Variants in NOP2 observed in about 807,000 individuals in gnomAD.
NOP2 encodes 28S rRNA (cytosine(4447)-C(5))-methyltransferase.
Under a neutral mutation model 72.7 loss-of-function variants are expected in NOP2, and 7 were observed. The observed-to-expected ratio is 0.10, with a 90% CI of 0.05 to 0.18. NOP2 has a LOEUF of 0.18. Ranked by LOEUF, NOP2 falls within the 10% of genes least tolerant of loss-of-function variation. The pLI, the probability that NOP2 is intolerant of heterozygous loss-of-function variation, is 1.00. For synonymous variants in NOP2, 387 were observed against 388.0 expected, an observed-to-expected ratio of 1.00 and a Z score of 0.03; for missense variants, 954 against 1,014.7, an observed-to-expected ratio of 0.94 and a Z score of 0.81.
chr12:6,563,232 A>G (rs1947693531), intron 8 of NOP2, 62 bp from the exon 9 acceptor site: 1 of 1,549,292 alleles, frequency 6.5e-7, no homozygotes, highest in African/African-American at 1.4e-5. Context: ...AGAAGAGGGG[A>G]GCAAGGGGGC....
At chr12:6,557,758 G>C in intron 15 of NOP2, 116 bp from the exon 16 acceptor site, 1 of 1,098,536 alleles carries the variant, frequency 9.1e-7, no homozygotes, top group Non-Finnish European at 1.3e-6. Context: ...CACACAATTA[G>C]GTCAGTGCCT....
At position 6,566,795 on chromosome 12, in the gene NOP2, G is replaced by C. The variant is rs373940731; in HGVS notation, c.131C>G (p.Ser44Cys). Residue 44 changes from serine to cysteine, a missense_variant, in exon 3 of 16, where the codon TCT (serine) becomes TGT (cysteine). By Grantham distance (112) the Ser-to-Cys change is moderately radical. This residue lies in a region of NOP2 where 498 missense variants were observed against 478.3 expected (regional missense o/e 1.04). Coordinates refer to ENST00000322166, the MANE Select transcript of NOP2 (RefSeq NM_001258308.2). ...CACTTACCTCTTTCGAGCACGACTA[G>C]ACAGCCTCTTGGAATTTTCGTCACT... Reference protein sequence around the residue: ...AVSDENSKRLSSRARKRAAKR... With the variant: ...AVSDENSKRLCSRARKRAAKR... The C allele has an allele frequency of 5.0e-6, 8 of 1,613,218 alleles. No homozygotes were observed. The highest frequency in any genetic ancestry group is 1.1e-5 in the South Asian group (1 of 90,922).
At position 6,566,572 on chromosome 12, in the gene NOP2, A is replaced by T; in HGVS notation, c.195T>A (p.Asn65Lys). The change falls in exon 4 of 16, where the codon AAT becomes AAA. Residue 65 changes from asparagine to lysine, a missense_variant. Physicochemically the swap from Asn to Lys is moderately conservative, Grantham distance 94 (BLOSUM62 0). Around this residue, in one of 3 missense-constraint regions of NOP2, gnomAD observed 498 missense variants for 478.3 expected, o/e 1.04. Coordinates refer to ENST00000322166, the MANE Select transcript of NOP2 (RefSeq NM_001258308.2). ...RLGSVEAPKT[N>K]KSPEAKPLPG... ...GCAATGGTTTGGCCTCAGGAGACTT[A>T]TTTGTCTTAGGGGCTTCAACAGAGC... is the stretch of plus-strand genomic sequence containing the variant. The T allele has an allele frequency of 6.2e-7, 1 of 1,613,940 alleles. No homozygotes were observed. Among genetic ancestry groups the T allele is most frequent in the Non-Finnish European group, 8.5e-7 (1 of 1,179,884 alleles).
chr12:6,556,930 A>T lies in NOP2; in HGVS notation c.*63T>A. The T allele has an allele frequency of 1.3e-6, 2 of 1,583,810 alleles. No individual in the cohort carries two copies. The highest frequency in any genetic ancestry group is 1.7e-6 in the Non-Finnish European group (2 of 1,160,982). On this transcript the variant is annotated 3_prime_UTR_variant, in exon 16 of 16. Transcript: ENST00000322166. ...TATGCACAGTAGAGAAGGCATCCTC[A>T]CAGAGGCAAGAGTTCCAACCTGGTG...
intron 5 of NOP2, among the ~76,000 whole-genome samples, chr12:6,565,608 A>G (rs1048357291): frequency 8.6e-5 from 13 of 151,934 alleles, no homozygotes; most frequent in Admixed American, 6.6e-4. Flanking sequence ...CCAAAGTGCT[A>G]GGATTATAGG....
At position 6,557,647 on chromosome 12, in the gene NOP2, G is replaced by T; in HGVS notation, c.1790-5C>A. ...GTGTGGCTGTTTCAGAATTTCCTGG[G>T]GTTAAAATTAAACAGATGGTGTCAG... On this transcript the variant is annotated splice_region_variant and splice_polypyrimidine_tract_variant and intron_variant, in intron 15 of 15. Transcript: ENST00000322166. 6.2e-7 allele frequency: 1 copy of T among 1,601,996 alleles called. No individual in the cohort carries two copies. The highest frequency in any genetic ancestry group is 8.5e-7 in the Non-Finnish European group (1 of 1,175,000).
In NOP2 at chr12:6,568,191, T is replaced by C; in HGVS notation, c.-5+16A>G. 2.1e-6 allele frequency: 1 copy of C among 470,628 alleles called. No homozygotes were observed. Among genetic ancestry groups the C allele is most frequent in the Non-Finnish European group, 3.8e-6 (1 of 260,572 alleles). The allele number at this position is 470,628 out of a possible 1,614,324, so 29.2% of individuals were successfully genotyped here. On this transcript the variant is annotated intron_variant, in intron 1 of 15. Coordinates refer to ENST00000322166, the MANE Select transcript of NOP2 (RefSeq NM_001258308.2). ...AGTGCTGCCACTCTTCGTCCCCCAA[T>C]TTCCTCTAGACCCACCAGAATGCGG... is the stretch of plus-strand genomic sequence containing the variant.
In NOP2 at chr12:6,557,222, T is replaced by C. The variant is rs138002513; in HGVS notation, c.2210A>G (p.Gln737Arg). The part of the protein sequence containing the change: ...TPAVLSPSKT[Q>R]ATLKPKDHHQ... ...ATGGTCCTTAGGTTTCAGGGTGGCC[T>C]GAGTCTTGGATGGGGATAACACAGC... is the stretch of plus-strand genomic sequence containing the variant. The change falls in exon 16 of 16, where the codon CAG (glutamine) becomes CGG (arginine). Residue 737 changes from glutamine (Q) to arginine (R), a missense_variant. Transcript: ENST00000322166. 6 of 1,613,880 alleles carry C rather than the reference T, an allele frequency of 3.7e-6. No individual in the cohort carries two copies. The African/African-American group carries it at 6.7e-5, about 18-fold the overall frequency.
At chr12:6,567,500 A>G (rs927230359) in intron 2 of NOP2, 3 of 274,192 alleles carry the variant, frequency 1.1e-5, no homozygotes, top group South Asian at 4.7e-5. Context: ...TCTTGCTACA[A>G]TGTTACCCAT....
At chr12:6,564,375 A>G (rs1392428035) in intron 5 of NOP2, 1 of 199,640 alleles carries the variant, frequency 5.0e-6, no homozygotes, top group African/African-American at 2.4e-5. Flanking sequence ...AAAAAAAAAA[A>G]CTTGAAAAAT....
At chr12:6,564,099 G>A (rs1392557261) in intron 5 of NOP2, 153 bp from the exon 6 acceptor site, 38 of 1,516,168 alleles carry the variant, frequency 2.5e-5, no homozygotes, top group Admixed American at 8.0e-5. Flanking sequence ...TAAGATGGGC[G>A]CAGCATTGCT....
intron 15 of NOP2, chr12:6,557,889 T>G (rs1406125042): frequency 5.9e-5 from 28 of 475,490 alleles, no homozygotes; most frequent in Non-Finnish European, 5.6e-5. Context: ...ACACCTGTAA[T>G]TCCAGCACTT....
rs1257734123 is a variant in NOP2, at chr12:6,563,354, G to T, written c.849C>A (p.Phe283Leu). The change falls in exon 8 of 16, where the codon TTC (phenylalanine) becomes TTA (leucine). Residue 283 changes from phenylalanine (F) to leucine (L), a missense_variant. Around this residue, in one of 3 missense-constraint regions of NOP2, gnomAD observed 498 missense variants for 478.3 expected, o/e 1.04. Coordinates refer to ENST00000322166, the MANE Select transcript of NOP2 (RefSeq NM_001258308.2). ...AGAGGTCCATGAGCTTGCCAAGCAG[G>T]AAGTCTCCATAGGAGTAGTAAATGG... ...DLAIYYSYGDFLLGKLMDLFP... is the reference protein window; with the variant it reads ...DLAIYYSYGDLLLGKLMDLFP... The T allele has an allele frequency of 5.0e-6, 8 of 1,602,132 alleles. No homozygotes were observed. The highest frequency in any genetic ancestry group is 6.8e-6 in the Non-Finnish European group (8 of 1,174,404).
intron 15 of NOP2, among the ~76,000 whole-genome samples, chr12:6,558,612 T>A (rs1947568430): frequency 6.9e-6 from 1 of 144,464 alleles, no homozygotes; most frequent in Admixed American, 6.9e-5. Context: ...TTATTTATCT[T>A]TTTTTTTTTT....
chr12:6,566,793 T>C lies in NOP2; in HGVS notation c.133A>G (p.Ser45Gly). ...VSDENSKRLS[S>G]RARKRAAKRR... ...CACACTTACCTCTTTCGAGCACGAC[T>C]AGACAGCCTCTTGGAATTTTCGTCA... The change falls in exon 3 of 16, where the codon AGT becomes GGT. Residue 45 changes from serine to glycine, a missense_variant. Around this residue, in one of 3 missense-constraint regions of NOP2, gnomAD observed 498 missense variants for 478.3 expected, o/e 1.04. Coordinates refer to ENST00000322166, the MANE Select transcript of NOP2 (RefSeq NM_001258308.2). The C allele has an allele frequency of 6.2e-7, 1 of 1,613,354 alleles. No homozygotes were observed. Among genetic ancestry groups the C allele is most frequent in the Non-Finnish European group, 8.5e-7 (1 of 1,179,574 alleles).
In NOP2 at chr12:6,566,337, C is replaced by T; in HGVS notation, c.239-1G>A. 1 of 1,611,648 alleles carries T rather than the reference C, an allele frequency of 6.2e-7. No individual in the cohort carries two copies. Among genetic ancestry groups the T allele is most frequent in the Non-Finnish European group, 8.5e-7 (1 of 1,178,794 alleles). On this transcript the variant is annotated splice_acceptor_variant, in intron 4 of 15. Transcript: ENST00000322166. LOFTEE classifies it high-confidence loss of function. ...GTCTGGACAGCTCCTGCAGAGATCCCTAAGGGTTTGAAGAGTCCTGGACTA... is the reference window on the plus strand; with the variant it reads ...GTCTGGACAGCTCCTGCAGAGATCCTTAAGGGTTTGAAGAGTCCTGGACTA...
At position 6,560,261 on chromosome 12, in the gene NOP2, C is replaced by T. The variant is rs759688084; in HGVS notation, c.1626G>A (p.Thr542=). The change falls in exon 15 of 16, where the codon ACG becomes ACA. Residue 542 remains threonine (T), a synonymous_variant. Transcript: ENST00000322166. This position sits in a 1 kb window ranked among gnomAD's most constrained non-coding sequence, Gnocchi z 5.0. ...LKKRNVRLVP[T]GLDFGQEGFT... Reference sequence around the variant, plus strand: ...AACCTTCCTGGCCAAAGTCTAGGCCCGTGGGCACCAGTCGCACATTCCTCT... The same window carrying T: ...AACCTTCCTGGCCAAAGTCTAGGCCTGTGGGCACCAGTCGCACATTCCTCT... The T allele has an allele frequency of 9.9e-6, 16 of 1,613,884 alleles. No individual in the cohort carries two copies. The highest frequency in any genetic ancestry group is 1.7e-5 in the Admixed American group (1 of 59,998).
At chr12:6,562,811 A>G (rs1171369138) in intron 9 of NOP2, among the ~76,000 whole-genome samples, 1 of 152,050 alleles carries the variant, frequency 6.6e-6, no homozygotes, top group Non-Finnish European at 1.5e-5. Context: ...CTCCTCAATG[A>G]TCTCCCTCCA....
At chr12:6,561,555 C>A (rs774284980) in intron 11 of NOP2, 109 bp downstream of exon 11, 2 of 1,416,580 alleles carry the variant, frequency 1.4e-6, no homozygotes, top group Non-Finnish European at 1.9e-6. Context: ...CTGCTAGCTA[C>A]CTGCACATTG....
Sources: allele counts gnomAD v4.1 joint callset (sites outside exome capture counted in the v4.1 genomes callset), GRCh38; gene constraint gnomAD v4.1.1; regional missense constraint gnomAD v4.1.1; non-coding constraint Gnocchi (gnomAD v3.1); transcripts MANE v1.5; gene names NCBI Gene and HGNC (gene_info 2026-07-23, HGNC 2026-07-21).